Variants in IKZF4 observed in about 807,000 individuals in gnomAD.
IKZF4 encodes IKAROS family zinc finger 4.
Under a neutral mutation model 47.7 loss-of-function variants are expected in IKZF4, and 11 were observed. The ratio of observed to expected loss-of-function variants is 0.23; its 90% CI spans 0.15 to 0.38. IKZF4 has a LOEUF of 0.38. Ranked by LOEUF, IKZF4 falls within the 10% of genes least tolerant of loss-of-function variation. The pLI is 1.00. For synonymous variants in IKZF4, 298 were observed against 299.4 expected (o/e 1.00, Z 0.05); for missense variants, 557 against 784.9 (o/e 0.71, Z 3.47).
chr12:56,015,688 A>T (rs1307962679), intron 2 of IKZF4, among the ~76,000 whole-genome samples: 1 of 152,156 alleles, frequency 6.6e-6, no homozygotes, highest in Non-Finnish European at 1.5e-5. Flanking sequence ...GAGCCACCAA[A>T]CCCAGCCTGA....
At chr12:56,027,653 C>T (rs1447476070) in intron 4 of IKZF4, 127 bp from the exon 5 acceptor site, 3 of 913,408 alleles carry the variant, frequency 3.3e-6, no homozygotes, top group Non-Finnish European at 5.2e-6. Context: ...GTGCATTGCA[C>T]TTCTGCCCGT....
In IKZF4 at chr12:56,038,367, A is replaced by G. The variant is rs752401103; in HGVS notation, c.*3036A>G. The G allele has an allele frequency of 1.3e-5, 2 of 152,606 alleles. No homozygotes were observed. The highest frequency in any genetic ancestry group is 2.9e-5 in the Non-Finnish European group (2 of 68,038). The allele number at this position is 152,606 out of a possible 1,614,324, so 9.5% of individuals were successfully genotyped here. A position where few individuals can be genotyped will look rare whatever the true frequency, so the allele number is the denominator to read the frequency against. On this transcript the variant is annotated 3_prime_UTR_variant, in exon 8 of 8. Transcript: ENST00000547167. Reference sequence around the variant, plus strand: ...AAGTAAATATTTGTGTAACGGAGATATACTACTGTAAGTTTTGTACTGTAC... The same window carrying G: ...AAGTAAATATTTGTGTAACGGAGATGTACTACTGTAAGTTTTGTACTGTAC...
intron 2 of IKZF4, 79 bp downstream of exon 2, chr12:56,023,843 C>G: frequency 6.5e-7 from 1 of 1,548,462 alleles, no homozygotes; most frequent in Non-Finnish European, 8.7e-7. Context: ...CTTCCTCTCT[C>G]TTTCTTGCAC....
At chr12:56,034,525 T>C (rs1466681914) in intron 7 of IKZF4, 46 bp from the exon 8 acceptor site, 4 of 1,534,444 alleles carry the variant, frequency 2.6e-6, no homozygotes, top group Non-Finnish European at 2.6e-6. Flanking sequence ...GAGGAGAGTG[T>C]AGGAATTCTC....
upstream of IKZF4, among the ~76,000 whole-genome samples, chr12:56,019,013 C>G (rs1229684363): frequency 6.6e-6 from 1 of 151,844 alleles, no homozygotes; most frequent in African/African-American, 2.4e-5. Context: ...GTCAAGAGAT[C>G]AGGACCATCC....
chr12:56,016,636 G>A (rs573649341), upstream of IKZF4, among the ~76,000 whole-genome samples: 23 of 151,842 alleles, frequency 1.5e-4, no homozygotes, highest in African/African-American at 5.1e-4. Context: ...CGCTCTTGTT[G>A]CCCAGGCTGG....
intron 5 of IKZF4, among the ~76,000 whole-genome samples, chr12:56,031,330 T>C (rs1894881026): frequency 1.3e-5 from 2 of 152,220 alleles, no homozygotes; most frequent in South Asian, 4.1e-4. Context: ...ACATGTCGTA[T>C]ACATGTATGA....
At chr12:56,022,909 C>T (rs1159815222) in intron 1 of IKZF4, among the ~76,000 whole-genome samples, 1 of 151,380 alleles carries the variant, frequency 6.6e-6, no homozygotes, top group African/African-American at 2.4e-5. Context: ...ACGCCATTCT[C>T]CTGCCTCAGC....
chr12:56,016,861 T>C (rs545287624), upstream of IKZF4, among the ~76,000 whole-genome samples: 2 of 152,214 alleles, frequency 1.3e-5, no homozygotes, highest in South Asian at 4.1e-4. Flanking sequence ...CCCAGAGTAC[T>C]GGGATTACAG....
At chr12:56,008,563 G>A (rs1249321321) in intron 1 of IKZF4, among the ~76,000 whole-genome samples, 1 of 151,980 alleles carries the variant, frequency 6.6e-6, no homozygotes, top group Non-Finnish European at 1.5e-5. Flanking sequence ...AGTCCTTTCT[G>A]GGAACAGTGG....
chr12:56,030,760 G>T (rs1894802285), intron 5 of IKZF4, among the ~76,000 whole-genome samples: 1 of 151,794 alleles, frequency 6.6e-6, no homozygotes, highest in African/African-American at 2.4e-5. Context: ...GAGTAGAACA[G>T]TGGTTACCAG....
At chr12:56,018,191 G>A (rs1007253555), upstream of IKZF4, 1 of 1,289,114 alleles carries the variant, frequency 7.8e-7, no homozygotes, top group Non-Finnish European at 1.0e-6. Flanking sequence ...TGCCTTCTGT[G>A]TGTTCTATTT....
At chr12:56,022,120 G>C (rs1592928832) in intron 1 of IKZF4, among the ~76,000 whole-genome samples, 1 of 152,194 alleles carries the variant, frequency 6.6e-6, no homozygotes, top group African/African-American at 2.4e-5. Context: ...GTTATGATGA[G>C]GTGCCTTGCA....
chr12:56,021,334 C>A lies in IKZF4; in HGVS notation c.-160C>A. On this transcript the variant is annotated 5_prime_UTR_variant, in exon 1 of 8. It adds an upstream start codon to the 5' untranslated region. Coordinates refer to ENST00000547167, the MANE Select transcript of IKZF4 (RefSeq NM_022465.4). Reference sequence around the variant, plus strand: ...CACACACACTCAACACACATACACCCTGGGCTGAGCTGCTCTTGCTGGCTG... The same window carrying A: ...CACACACACTCAACACACATACACCATGGGCTGAGCTGCTCTTGCTGGCTG... 4 of 1,537,738 alleles carry A rather than the reference C, an allele frequency of 2.6e-6. No individual in the cohort carries two copies. In the South Asian group the frequency reaches 4.8e-5, roughly 18 times the overall value.
chr12:56,033,279 A>G lies in IKZF4; in HGVS notation c.955A>G (p.Ser319Gly). The G allele has an allele frequency of 3.7e-6, 6 of 1,614,046 alleles. No homozygotes were observed. Among genetic ancestry groups the G allele is most frequent in the African/African-American group, 1.3e-5 (1 of 75,060 alleles). Residue 319 changes from serine to glycine, a missense_variant, in exon 7 of 8, where the codon AGC becomes GGC. Physicochemically the swap from Ser to Gly is moderately conservative, Grantham distance 56. Coordinates refer to ENST00000547167, the MANE Select transcript of IKZF4 (RefSeq NM_022465.4). ...RPTFIDRLAN[S>G]LTKRKRSTPQ... The stretch of plus-strand genomic sequence containing the variant: ...AACTTTCATCGATCGTCTGGCCAAT[A>G]GCCTCACCAAACGCAAGCGTTCCAC...
upstream of IKZF4, among the ~76,000 whole-genome samples, chr12:56,016,531 C>G (rs1892092247): frequency 6.6e-6 from 1 of 151,254 alleles, no homozygotes; most frequent in Admixed American, 6.6e-5. Flanking sequence ...AAGCGATTCT[C>G]CTGCCTCAGC....
At chr12:56,014,501 A>AAC (rs141964407) in intron 2 of IKZF4, among the ~76,000 whole-genome samples, 69 of 151,534 alleles carry the variant, frequency 4.6e-4, no homozygotes, top group East Asian at 3.7e-3. Flanking sequence ...CATGCACACA[A>AAC]ACACACACAC....
chr12:56,021,785 T>C lies in IKZF4; in HGVS notation c.87+205T>C. On this transcript the variant is annotated intron_variant, in intron 1 of 7. Coordinates refer to ENST00000547167, the MANE Select transcript of IKZF4 (RefSeq NM_022465.4). ...CTTGCGGAGGATGGGAAAGGGTGTT[T>C]GGTGTTGCTAAGCAAAGACGGCGAC... is the stretch of plus-strand genomic sequence containing the variant. 4 of 771,224 alleles carry C rather than the reference T, an allele frequency of 5.2e-6. No individual in the cohort carries two copies. The South Asian group carries it at 7.3e-5, about 14-fold the overall frequency. 47.8% of individuals were successfully genotyped at this position (771,224 alleles called of 1,614,324 possible). A position where few individuals can be genotyped will look rare whatever the true frequency, so the allele number is the denominator to read the frequency against.
chr12:56,034,557 C>A lies in IKZF4; in HGVS notation c.998-14C>A. On this transcript the variant is annotated splice_polypyrimidine_tract_variant and intron_variant, in intron 7 of 7. Coordinates refer to ENST00000547167, the MANE Select transcript of IKZF4 (RefSeq NM_022465.4). ...TCTCCAAACCCAGCCCTGCTGAGTT[C>A]CTGTTCTCCACAGGCGAAAAGCAGA... 1 of 1,584,882 alleles carries A rather than the reference C, an allele frequency of 6.3e-7. No individual in the cohort carries two copies. The highest frequency in any genetic ancestry group is 1.2e-5 in the South Asian group (1 of 86,826).
Sources: gnomAD v4.1 joint callset for allele counts (sites outside exome capture counted in the v4.1 genomes callset) on GRCh38, gnomAD v4.1.1 for gene constraint, MANE v1.5 for transcripts, NCBI Gene and HGNC (gene_info 2026-07-23, HGNC 2026-07-21) for gene names.